JAZF1: variants seen among roughly 807,000 people sequenced by gnomAD.
JAZF1 encodes JAZF zinc finger 1.
JAZF1 carries 8 observed loss-of-function variants against 26.4 expected under a neutral mutation model. The observed-to-expected ratio is 0.30, with a 90% CI of 0.18 to 0.55. The LOEUF is 0.55. Ranked by LOEUF, JAZF1 falls within the 20% of genes least tolerant of loss-of-function variation. The pLI is 0.94. For missense variants in JAZF1, 199 were observed against 322.0 expected (o/e 0.62, Z 2.92); for synonymous variants, 126 against 122.3 (o/e 1.03, Z -0.20).
At chr7:28,069,836 C>T (rs1196045356) in intron 1 of JAZF1, among the ~76,000 whole-genome samples, 1 of 152,138 alleles carries the variant, frequency 6.6e-6, no homozygotes, top group Non-Finnish European at 1.5e-5. Flanking sequence ...AAAACTCATG[C>T]CCCCAAGTTT....
chr7:27,928,946 C>G (rs1784640657), intron 2 of JAZF1, among the ~76,000 whole-genome samples: 1 of 152,138 alleles, frequency 6.6e-6, no homozygotes, highest in Non-Finnish European at 1.5e-5. Flanking sequence ...TACCCCTGGA[C>G]TTAAAAGTTA....
chr7:27,930,799 C>A (rs1784677328), intron 2 of JAZF1, among the ~76,000 whole-genome samples: 1 of 150,700 alleles, frequency 6.6e-6, no homozygotes. Flanking sequence ...CCAAATATTC[C>A]AAATAATTTT....
At chr7:27,946,228 C>G (rs2128353602) in intron 2 of JAZF1, among the ~76,000 whole-genome samples, 1 of 152,222 alleles carries the variant, frequency 6.6e-6, no homozygotes, top group African/African-American at 2.4e-5. Context: ...CCAGGAACAT[C>G]TGTATTTGGA....
At chr7:27,922,700 A>G (rs1272055065) in intron 2 of JAZF1, among the ~76,000 whole-genome samples, 3 of 151,964 alleles carry the variant, frequency 2.0e-5, no homozygotes, top group Non-Finnish European at 4.4e-5. Flanking sequence ...TAGTCAAGAG[A>G]GTATTAATTT....
intron 2 of JAZF1, among the ~76,000 whole-genome samples, chr7:27,895,804 C>T (rs1004228361): frequency 1.5e-4 from 23 of 152,352 alleles, no homozygotes; most frequent in African/African-American, 5.3e-4. Flanking sequence ...GTAGACAGTG[C>T]TTCCTTTATC....
At chr7:28,116,210 G>A (rs1005742336) in intron 1 of JAZF1, among the ~76,000 whole-genome samples, 4 of 152,104 alleles carry the variant, frequency 2.6e-5, no homozygotes, top group African/African-American at 7.2e-5. Context: ...TTGTAATCTC[G>A]ATAGATGAAA....
chr7:27,887,246 G>A lies in JAZF1; in HGVS notation c.385+7974C>T, dbSNP rs573930817. 5.9e-3 allele frequency among the ~76,000 whole-genome samples: 903 copies of A among 152,198 alleles called. 5 individuals carry two copies. The highest frequency in any genetic ancestry group is 9.6e-3 in the Non-Finnish European group (651 of 68,002). ...CCATGACACAAGTTTACCTATATAA[G>A]AAACCTGCATTTGTACCCTGGACTT... On this transcript the variant is annotated intron_variant, in intron 3 of 4. Coordinates refer to ENST00000283928, the MANE Select transcript of JAZF1 (RefSeq NM_175061.4).
chr7:27,964,556 T>C (rs1015238076), intron 2 of JAZF1, among the ~76,000 whole-genome samples: 1 of 151,806 alleles, frequency 6.6e-6, no homozygotes, highest in Non-Finnish European at 1.5e-5. Flanking sequence ...TGTACAAGAA[T>C]GGGTACAATA....
At chr7:28,103,760 C>A (rs1269323398) in intron 1 of JAZF1, among the ~76,000 whole-genome samples, 1 of 152,170 alleles carries the variant, frequency 6.6e-6, no homozygotes, top group African/African-American at 2.4e-5. Flanking sequence ...TGGACCAGGA[C>A]CACTGGTTAT....
intron 1 of JAZF1, among the ~76,000 whole-genome samples, chr7:28,011,628 A>G (rs564950201): frequency 4.6e-5 from 7 of 152,290 alleles, no homozygotes; most frequent in African/African-American, 1.7e-4. Context: ...AATTCTTCTA[A>G]CACCTTGGTA....
At chr7:28,011,468 T>G (rs1264312010) in intron 1 of JAZF1, among the ~76,000 whole-genome samples, 3 of 152,198 alleles carry the variant, frequency 2.0e-5, no homozygotes, top group African/African-American at 7.2e-5. Context: ...CTTCTGAACA[T>G]GACAAACGTC....
At position 27,971,560 on chromosome 7, in the gene JAZF1, A is replaced by T. The variant is rs182433367; in HGVS notation, c.188+20349T>A. 7.2e-5 allele frequency among the ~76,000 whole-genome samples: 11 copies of T among 152,354 alleles called. No homozygotes were observed. In the East Asian group the frequency reaches 1.9e-3, roughly 27 times the overall value. On this transcript the variant is annotated intron_variant, in intron 2 of 4. Transcript: ENST00000283928. ...AAGTAATGTTTCAACTCGAGTCCCA[A>T]ATCAACAGTCTCAGCAATATGAGAG...
Position 27,914,341 on chromosome 7 carries a change from G to A in JAZF1, c.189-18925C>T, listed in dbSNP as rs1784409810. On this transcript the variant is annotated intron_variant, in intron 2 of 4. Coordinates refer to ENST00000283928, the MANE Select transcript of JAZF1 (RefSeq NM_175061.4). ...CAGCCTGGAATAGGCACCTGAGGGAGGGCACAAAAAATTCTAAAGCCAACT... is the reference window on the plus strand; with the variant it reads ...CAGCCTGGAATAGGCACCTGAGGGAAGGCACAAAAAATTCTAAAGCCAACT... 1.3e-5 allele frequency among the ~76,000 whole-genome samples: 2 copies of A among 152,114 alleles called. 1 individual carries two copies. The highest frequency in any genetic ancestry group is 4.2e-4 in the South Asian group (2 of 4,812).
chr7:27,887,347 T>A (rs866220736), intron 3 of JAZF1, among the ~76,000 whole-genome samples: 10 of 152,190 alleles, frequency 6.6e-5, no homozygotes, highest in Non-Finnish European at 1.0e-4. Context: ...TGAATGTGAA[T>A]GCTGTTGTGC....
chr7:27,977,353 T>C (rs1562546708), intron 2 of JAZF1, among the ~76,000 whole-genome samples: 1 of 152,224 alleles, frequency 6.6e-6, no homozygotes, highest in South Asian at 2.1e-4. Flanking sequence ...ACCCTTTAAC[T>C]TGTCAGAACT....
chr7:28,095,843 C>T (rs974755833), intron 1 of JAZF1, among the ~76,000 whole-genome samples: 2 of 152,238 alleles, frequency 1.3e-5, no homozygotes, highest in Admixed American at 6.5e-5. Flanking sequence ...CAGATCAAGG[C>T]ACCATCAGGA....
intron 1 of JAZF1, among the ~76,000 whole-genome samples, chr7:28,079,994 T>G (rs371381806): frequency 6.6e-6 from 1 of 151,698 alleles, no homozygotes; most frequent in African/African-American, 2.4e-5. Context: ...TATACTGTAG[T>G]CTATAAAGTG....
chr7:27,863,713 G>A (rs1350497050), intron 3 of JAZF1: 1 of 152,208 alleles, frequency 6.6e-6, no homozygotes, highest in African/African-American at 2.4e-5. Flanking sequence ...GAGACAATGT[G>A]CAAACACAGG....
intron 1 of JAZF1, among the ~76,000 whole-genome samples, chr7:28,144,326 C>T (rs1366364797): frequency 6.6e-6 from 1 of 152,214 alleles, no homozygotes; most frequent in African/African-American, 2.4e-5. Flanking sequence ...ATGAGACCCA[C>T]AAAGCTTTGC....
Sources: allele counts gnomAD v4.1 joint callset (sites outside exome capture counted in the v4.1 genomes callset), GRCh38; gene constraint gnomAD v4.1.1; transcripts MANE v1.5; gene names NCBI Gene and HGNC (gene_info 2026-07-23, HGNC 2026-07-21).